CLTC: variants seen among roughly 807,000 people sequenced by gnomAD.
CLTC encodes the protein clathrin heavy chain.
In CLTC, 16 loss-of-function variants were observed where a neutral mutation model predicts 195.8. That is an observed-to-expected ratio of 0.08 (90% CI 0.06 to 0.12). The LOEUF is 0.12. CLTC is among the 10% of genes least tolerant of loss of function. CLTC has a pLI of 1.00. For missense variants in CLTC, 796 were observed against 2,027.0 expected (o/e 0.39, Z 11.66); for synonymous variants, 667 against 689.4 (o/e 0.97, Z 0.51).
intron 17 of CLTC, among the ~76,000 whole-genome samples, chr17:59,678,540 C>T (rs867771070): frequency 3.3e-5 from 5 of 152,160 alleles, no homozygotes; most frequent in Admixed American, 2.6e-4. Flanking sequence ...CAAATTGTCC[C>T]AGTTTTGACT....
At chr17:59,629,008 T>TA (rs970988767) in intron 1 of CLTC, among the ~76,000 whole-genome samples, 40 of 151,940 alleles carry the variant, frequency 2.6e-4, no homozygotes, top group African/African-American at 8.9e-4. Flanking sequence ...AAAGGTGGCT[T>TA]AAAAAAAACC....
chr17:59,620,314 C>T (rs933343317), intron 1 of CLTC, 141 bp downstream of exon 1: 5 of 786,188 alleles, frequency 6.4e-6, no homozygotes, highest in Non-Finnish European at 1.1e-5. Context: ...GGAGGGGGCA[C>T]TATCTTGGAA....
At chr17:59,638,897 C>T (rs943495539) in intron 1 of CLTC, among the ~76,000 whole-genome samples, 1 of 152,160 alleles carries the variant, frequency 6.6e-6, no homozygotes, top group African/African-American at 2.4e-5. Context: ...CTTTTACTCC[C>T]CACCTCCCCC....
Position 59,683,807 on chromosome 17 carries a change from C to G in CLTC, c.4323+51C>G. ...CTTCATAGCAAGGAATTAGGACATA[C>G]TTCGATAACTTTTGTCCCTGGGACT... On this transcript the variant is annotated intron_variant, in intron 27 of 31. Coordinates refer to ENST00000269122, the MANE Select transcript of CLTC (RefSeq NM_004859.4). This position sits in a 1 kb window ranked among gnomAD's most constrained non-coding sequence, Gnocchi z 6.1. 1.2e-6 allele frequency: 2 copies of G among 1,612,404 alleles called. No individual in the cohort carries two copies. The highest frequency in any genetic ancestry group is 1.7e-6 in the Non-Finnish European group (2 of 1,178,586).
At chr17:59,653,669 C>T (rs1397669458) in intron 5 of CLTC, among the ~76,000 whole-genome samples, 2 of 152,180 alleles carry the variant, frequency 1.3e-5, no homozygotes, top group East Asian at 3.9e-4. Flanking sequence ...CCTCTTGCCT[C>T]AGCCTCCAGA....
intron 1 of CLTC, among the ~76,000 whole-genome samples, chr17:59,624,404 G>A (rs2031478637): frequency 6.6e-6 from 1 of 151,354 alleles, no homozygotes; most frequent in Non-Finnish European, 1.5e-5. Flanking sequence ...AGGGCTTTAG[G>A]GGTTGTTGAA....
intron 30 of CLTC, among the ~76,000 whole-genome samples, chr17:59,687,561 G>GTCCT (rs2033210855): frequency 6.6e-6 from 1 of 151,332 alleles, no homozygotes; most frequent in Admixed American, 6.6e-5. Context: ...TTTGCTGAAA[G>GTCCT]TAGATACGAG....
chr17:59,674,957 T>C (rs1343931376), intron 16 of CLTC, 114 bp downstream of exon 16: 4 of 1,046,150 alleles, frequency 3.8e-6, no homozygotes, highest in African/African-American at 1.6e-5. Context: ...AATAATTTCC[T>C]GAAGACACCT....
Position 59,666,228 on chromosome 17 carries a change from G to A in CLTC, c.1770G>A (p.Met590Ile). 6.2e-7 allele frequency: 1 copy of A among 1,613,950 alleles called. No homozygotes were observed. Among genetic ancestry groups the A allele is most frequent in the Non-Finnish European group, 8.5e-7 (1 of 1,179,900 alleles). ...CGCGGTTACTTGAGATGAACCTTATGCATGCGCCTCAAGTATGTGTTTTAA... is the reference window on the plus strand; with the variant it reads ...CGCGGTTACTTGAGATGAACCTTATACATGCGCCTCAAGTATGTGTTTTAA... ...LQTRLLEMNL[M>I]HAPQVADAIL... Residue 590 changes from methionine to isoleucine, a missense_variant, in exon 11 of 32, where the codon ATG becomes ATA. Physicochemically the swap from Met to Ile is conservative, Grantham distance 10. Around this residue, in one of 9 missense-constraint regions of CLTC, gnomAD observed 293 missense variants for 795.6 expected, o/e 0.37. Coordinates refer to ENST00000269122, the MANE Select transcript of CLTC (RefSeq NM_004859.4). This position sits in a 1 kb window ranked among gnomAD's most constrained non-coding sequence, Gnocchi z 4.9.
Position 59,690,720 on chromosome 17 carries a change from T to C in CLTC, c.4903+9T>C. The C allele has an allele frequency of 1.3e-6, 2 of 1,597,292 alleles. No homozygotes were observed. Among genetic ancestry groups the C allele is most frequent in the African/African-American group, 1.3e-5 (1 of 74,558 alleles). The stretch of plus-strand genomic sequence containing the variant: ...ACAACCCATTGTTTATGGTAATCTC[T>C]CTCTGTAACCTCAAAAAATTCATTA... On this transcript the variant is annotated intron_variant, in intron 31 of 31. Transcript: ENST00000269122.
chr17:59,644,546 T>TTTTTTG (rs1555603000), intron 2 of CLTC, 63 bp downstream of exon 2: 92 of 933,598 alleles, frequency 9.9e-5, no homozygotes, highest in South Asian at 1.2e-4. Flanking sequence ...TTTGTTTTTT[T>TTTTTTG]TTTGTTTGTT....
At chr17:59,690,562 T>C in intron 30 of CLTC, 74 bp from the exon 31 acceptor site, 1 of 1,024,604 alleles carries the variant, frequency 9.8e-7, no homozygotes, top group Non-Finnish European at 1.5e-6. Flanking sequence ...TACTAAGGCT[T>C]TTCCACTTTC....
At chr17:59,692,838 C>T (rs909520275) in intron 31 of CLTC, among the ~76,000 whole-genome samples, 5 of 151,984 alleles carry the variant, frequency 3.3e-5, no homozygotes, top group African/African-American at 4.8e-5. Flanking sequence ...CGGGGTTTCA[C>T]CATATCGGCC....
At chr17:59,640,470 C>T (rs909753070) in intron 1 of CLTC, among the ~76,000 whole-genome samples, 1 of 151,284 alleles carries the variant, frequency 6.6e-6, no homozygotes, top group African/African-American at 2.4e-5. Flanking sequence ...GGTCTTGGCT[C>T]ACTGCAACCT....
intron 2 of CLTC, among the ~76,000 whole-genome samples, chr17:59,646,723 T>TAAG (rs1216220503): frequency 6.6e-6 from 1 of 152,226 alleles, no homozygotes; most frequent in Non-Finnish European, 1.5e-5. Context: ...AATGCTTGCT[T>TAAG]TCTTAATTGG....
At chr17:59,675,799 T>C (rs983835172) in intron 16 of CLTC, among the ~76,000 whole-genome samples, 1 of 152,198 alleles carries the variant, frequency 6.6e-6, no homozygotes, top group Non-Finnish European at 1.5e-5. Flanking sequence ...AAGTGACAAA[T>C]TATATTGTGA....
intron 1 of CLTC, among the ~76,000 whole-genome samples, chr17:59,633,140 T>G (rs2031769505): frequency 1.3e-5 from 2 of 152,246 alleles, no homozygotes; most frequent in South Asian, 4.1e-4. Context: ...TCATGCTGAT[T>G]GTTAGTTAAT....
At chr17:59,674,970 C>A in intron 16 of CLTC, 127 bp downstream of exon 16, 4 of 908,000 alleles carry the variant, frequency 4.4e-6, no homozygotes, top group South Asian at 1.6e-5. Context: ...AGACACCTAA[C>A]ATAGAGGTGA....
intron 1 of CLTC, among the ~76,000 whole-genome samples, chr17:59,626,108 A>T (rs926749407): frequency 6.6e-6 from 1 of 152,206 alleles, no homozygotes; most frequent in Non-Finnish European, 1.5e-5. Flanking sequence ...AGATTTGAGT[A>T]CTTACTGCAG....
Sources: allele counts gnomAD v4.1 joint callset (sites outside exome capture counted in the v4.1 genomes callset), GRCh38; gene constraint gnomAD v4.1.1; regional missense constraint gnomAD v4.1.1; non-coding constraint Gnocchi (gnomAD v3.1); transcripts MANE v1.5; gene names NCBI Gene and HGNC (gene_info 2026-07-23, HGNC 2026-07-21).